Variants in FABP3 observed in about 807,000 individuals in gnomAD.
FABP3 encodes the protein fatty acid-binding protein, heart.
A neutral mutation model predicts 13.4 loss-of-function variants in FABP3; 8 were observed. The ratio of observed to expected loss-of-function variants is 0.60; its 90% CI spans 0.35 to 1.07. The LOEUF is 1.07. Among genes scored for constraint, FABP3 ranks in the 50% least tolerant of loss-of-function variants. The pLI is 0.02. For missense variants in FABP3, 135 were observed against 164.7 expected, an observed-to-expected ratio of 0.82 and a Z score of 0.99; for synonymous variants, 64 against 60.0, an observed-to-expected ratio of 1.07 and a Z score of -0.31.
intron 1 of FABP3, among the ~76,000 whole-genome samples, chr1:31,370,134 T>A (rs1357456458): frequency 2.7e-5 from 4 of 149,344 alleles, no homozygotes; most frequent in African/African-American, 9.8e-5. Flanking sequence ...TATTAAGTAC[T>A]ATGAGCTTTT....
At chr1:31,366,720 C>A (rs1640120330) in intron 3 of FABP3, among the ~76,000 whole-genome samples, 1 of 152,206 alleles carries the variant, frequency 6.6e-6, no homozygotes, top group South Asian at 2.1e-4. Context: ...CAAGCTTGAA[C>A]AGATCTGCCA....
At chr1:31,369,296 G>C in intron 2 of FABP3, 89 bp downstream of exon 2, 1 of 1,356,574 alleles carries the variant, frequency 7.4e-7, no homozygotes, top group Non-Finnish European at 1.0e-6. Flanking sequence ...TGCCCCTCAG[G>C]GTGCAATACC....
downstream of FABP3, among the ~76,000 whole-genome samples, chr1:31,360,468 C>T (rs1390229506): frequency 1.3e-5 from 2 of 152,212 alleles, no homozygotes; most frequent in East Asian, 1.9e-4. Context: ...CGCAACCAGG[C>T]GAACTACAAC....
chr1:31,359,983 C>CT, the FABP3 span, among the ~76,000 whole-genome samples: 200 of 145,232 alleles, frequency 1.4e-3, 1 homozygote, highest in African/African-American at 2.0e-3. Context: ...GAACTACAAC[C>CT]TTTTTTTTTT....
At chr1:31,360,378 A>G (rs1639830765), downstream of FABP3, among the ~76,000 whole-genome samples, 1 of 152,256 alleles carries the variant, frequency 6.6e-6, no homozygotes, top group Non-Finnish European at 1.5e-5. Flanking sequence ...CATGTTGGTC[A>G]GGCTAGTCTC....
chr1:31,366,931 A>C (rs1640123546), intron 3 of FABP3, among the ~76,000 whole-genome samples: 1 of 152,144 alleles, frequency 6.6e-6, no homozygotes, highest in Non-Finnish European at 1.5e-5. Context: ...TGAGATAGGC[A>C]ATGGGAGCCC....
chr1:31,361,958 C>G (rs959626490), downstream of FABP3, among the ~76,000 whole-genome samples: 3 of 152,006 alleles, frequency 2.0e-5, no homozygotes, highest in Non-Finnish European at 4.4e-5. Flanking sequence ...ACTACAGGCC[C>G]GCGTAACCAC....
downstream of FABP3, among the ~76,000 whole-genome samples, chr1:31,361,690 A>T (rs1437613813): frequency 2.6e-5 from 4 of 152,226 alleles, no homozygotes; most frequent in Admixed American, 6.5e-5. Context: ...AACTGCGCCT[A>T]TGCGATCTGG....
At chr1:31,371,706 C>A (rs1640212530) in intron 1 of FABP3, among the ~76,000 whole-genome samples, 1 of 152,148 alleles carries the variant, frequency 6.6e-6, no homozygotes. Flanking sequence ...TCTGGGCATT[C>A]CAACTTCCCA....
At chr1:31,367,353 A>T (rs567430424) in intron 3 of FABP3, 40 bp downstream of exon 3, 1 of 1,511,122 alleles carries the variant, frequency 6.6e-7, no homozygotes, top group South Asian at 1.1e-5. Context: ...GAGCAGTAGT[A>T]ATAACCAATC....
downstream of FABP3, among the ~76,000 whole-genome samples, chr1:31,362,764 C>T (rs1639963131): frequency 6.6e-6 from 1 of 152,156 alleles, no homozygotes; most frequent in Admixed American, 6.6e-5. Context: ...ATGTGAGTCA[C>T]TGTTTCTAGA....
intron 1 of FABP3, among the ~76,000 whole-genome samples, chr1:31,372,542 C>T (rs937491565): frequency 3.9e-5 from 6 of 152,196 alleles, no homozygotes; most frequent in African/African-American, 1.2e-4. Flanking sequence ...TCATTGTACA[C>T]TCCCTGGCTG....
chr1:31,364,207 G>A (rs775427404), downstream of FABP3: 9 of 1,606,206 alleles, frequency 5.6e-6, no homozygotes, highest in East Asian at 8.9e-5. Context: ...TATAAAGAGT[G>A]TAGGGGGTGG....
rs1640101610 is a variant in FABP3, at chr1:31,365,956, A to G, written c.349-17T>C. The G allele has an allele frequency of 6.2e-7, 1 of 1,613,276 alleles. No individual in the cohort carries two copies. Among genetic ancestry groups the G allele is most frequent in the Non-Finnish European group, 8.5e-7 (1 of 1,179,446 alleles). On this transcript the variant is annotated splice_polypyrimidine_tract_variant and intron_variant, in intron 3 of 3. Transcript: ENST00000373713. ...GGTGAGTGTCTGGAAGGAAAGACAGAGTGAGATGGGGGGTGGAGCCAGGAA... is the reference window on the plus strand; with the variant it reads ...GGTGAGTGTCTGGAAGGAAAGACAGGGTGAGATGGGGGGTGGAGCCAGGAA...
chr1:31,362,026 G>C (rs377670938), downstream of FABP3, among the ~76,000 whole-genome samples: 8 of 152,100 alleles, frequency 5.3e-5, no homozygotes, highest in African/African-American at 1.9e-4. Flanking sequence ...TGGCCAGGAT[G>C]GTCTCGATCT....
chr1:31,360,538 G>A (rs769001016), downstream of FABP3, among the ~76,000 whole-genome samples: 50 of 152,192 alleles, frequency 3.3e-4, no homozygotes, highest in African/African-American at 1.1e-3. Flanking sequence ...GGAAAATGAC[G>A]CCATTTGCTG....
chr1:31,364,108 A>G, downstream of FABP3: 1 of 1,613,940 alleles, frequency 6.2e-7, no homozygotes, highest in Non-Finnish European at 8.5e-7. Context: ...GATACAGGCA[A>G]GAGGGCAAGG....
rs1640092076 is a variant in FABP3, at chr1:31,365,703, T to C, written c.*183A>G. 1 of 502,448 alleles carries C rather than the reference T, an allele frequency of 2.0e-6. No homozygotes were observed. The highest frequency in any genetic ancestry group is 2.2e-5 in the South Asian group (1 of 46,044). The allele number at this position is 502,448 out of a possible 1,614,324, so 31.1% of individuals were successfully genotyped here. A position where few individuals can be genotyped will look rare whatever the true frequency, so the allele number is the denominator to read the frequency against. On this transcript the variant is annotated 3_prime_UTR_variant, in exon 4 of 4. Transcript: ENST00000373713. Reference sequence around the variant, plus strand: ...ACCTCAGAGCACCCTATGAGTGCAGTTAAAAAAAAAAAAAAAAAACCACAT... The same window carrying C: ...ACCTCAGAGCACCCTATGAGTGCAGCTAAAAAAAAAAAAAAAAAACCACAT...
At chr1:31,369,596 G>T (rs1056366062) in intron 1 of FABP3, 39 bp from the exon 2 acceptor site, 3 of 1,601,992 alleles carry the variant, frequency 1.9e-6, no homozygotes, top group Admixed American at 3.4e-5. Context: ...ATGAGCTGGG[G>T]TAGAGAAGCA....
Sources: allele counts gnomAD v4.1 joint callset (sites outside exome capture counted in the v4.1 genomes callset), GRCh38; gene constraint gnomAD v4.1.1; transcripts MANE v1.5; gene names NCBI Gene and HGNC (gene_info 2026-07-23, HGNC 2026-07-21).